Variants in POC5 observed in about 807,000 individuals in gnomAD.
The protein encoded by POC5 is centrosomal protein POC5.
Under a neutral mutation model 62.9 loss-of-function variants are expected in POC5, and 48 were observed. That is an observed-to-expected ratio of 0.76 (90% CI 0.61 to 0.97). POC5 has a LOEUF of 0.97. Ranked by LOEUF, POC5 falls within the 50% of genes least tolerant of loss-of-function variation. The pLI is 0.00. For missense variants in POC5, 696 were observed against 679.5 expected (o/e 1.02, Z -0.27); for synonymous variants, 236 against 228.2 (o/e 1.03, Z -0.31).
At position 75,713,713 on chromosome 5, in the gene POC5, A is replaced by G. The variant is rs1157309621; in HGVS notation, c.-14-762T>C. 2.6e-5 allele frequency among the ~76,000 whole-genome samples: 4 copies of G among 152,364 alleles called. No homozygotes were observed. The East Asian group carries it at 5.8e-4, about 22-fold the overall frequency. On this transcript the variant is annotated intron_variant, in intron 1 of 11. Coordinates refer to ENST00000428202, the MANE Select transcript of POC5 (RefSeq NM_001099271.2). ...TTGCATGACTGTAAATAAGCAGGAA[A>G]GGAGGCACAGAAAGTTTTTAGAGAA...
chr5:75,709,262 T>C (rs1241798778), intron 2 of POC5, among the ~76,000 whole-genome samples: 1 of 152,182 alleles, frequency 6.6e-6, no homozygotes, highest in Non-Finnish European at 1.5e-5. Flanking sequence ...CTTTAGAAAA[T>C]TCAACCAGAA....
rs58777768 is a variant in POC5 at position 75,677,621 on chromosome 5, TAA to T, written c.1584+151_1584+152del. 3,305 of 389,042 alleles carry T rather than the reference TAA, an allele frequency of 8.5e-3. 13 individuals carry two copies. Among genetic ancestry groups the T allele is most frequent in the African/African-American group, 0.024 (1,121 of 46,080 alleles). The allele number at this position is 389,042 out of a possible 1,614,324, so 24.1% of individuals were successfully genotyped here. Reference sequence around the variant, plus strand: ...GTTTGAGAAAAACAAGTATATATATTAAAAAAAAAAAAAAAACTGTAACAGGA... The same window carrying T: ...GTTTGAGAAAAACAAGTATATATATTAAAAAAAAAAAAAACTGTAACAGGA... On this transcript the variant is annotated intron_variant, in intron 11 of 11. Transcript: ENST00000428202.
At chr5:75,711,883 C>G (rs1181597586) in intron 2 of POC5, among the ~76,000 whole-genome samples, 2 of 152,188 alleles carry the variant, frequency 1.3e-5, no homozygotes, top group Non-Finnish European at 2.9e-5. Flanking sequence ...AAGGTGTTTA[C>G]ATTTTAGTAT....
chr5:75,710,866 C>T (rs1023610225), intron 2 of POC5, among the ~76,000 whole-genome samples: 3 of 152,134 alleles, frequency 2.0e-5, no homozygotes, highest in Admixed American at 1.3e-4. Flanking sequence ...CATGTAGGAA[C>T]GGAGGGAGAA....
chr5:75,707,430 T>C (rs1051417441), intron 3 of POC5: 2 of 208,080 alleles, frequency 9.6e-6, no homozygotes, highest in Non-Finnish European at 1.9e-5. Context: ...AATCCTGGCA[T>C]AAAACTGTTG....
At chr5:75,682,084 G>T (rs573704499) in intron 10 of POC5, among the ~76,000 whole-genome samples, 5 of 152,340 alleles carry the variant, frequency 3.3e-5, no homozygotes, top group African/African-American at 9.6e-5. Context: ...TGACTGAAAT[G>T]GAGTGTGTAT....
intron 8 of POC5, chr5:75,689,735 G>A: frequency 2.2e-6 from 2 of 901,696 alleles, no homozygotes; most frequent in Non-Finnish European, 2.7e-6. Flanking sequence ...ATTTAATGCT[G>A]TAATGAGTTA....
intron 5 of POC5, among the ~76,000 whole-genome samples, chr5:75,696,523 C>T (rs1319468933): frequency 6.6e-6 from 1 of 151,780 alleles, no homozygotes; most frequent in Non-Finnish European, 1.5e-5. Flanking sequence ...GGAAAACTAA[C>T]AAACAGAAAG....
In POC5 at chr5:75,694,926, C is replaced by T. The variant is rs1776497106; in HGVS notation, c.514-95G>A. 3 of 872,424 alleles carry T rather than the reference C, an allele frequency of 3.4e-6. No individual in the cohort carries two copies. The South Asian group carries it at 6.3e-5, about 18-fold the overall frequency. The allele number at this position is 872,424 out of a possible 1,614,324, so 54.0% of individuals were successfully genotyped here. ...TAAAGAAACATTAAAAAAATCAGAA[C>T]AAGCATCAACACAAAAGTCATTAAA... On this transcript the variant is annotated intron_variant, in intron 5 of 11. Transcript: ENST00000428202.
chr5:75,713,967 G>A (rs1054253828), intron 1 of POC5, among the ~76,000 whole-genome samples: 7 of 152,310 alleles, frequency 4.6e-5, no homozygotes, highest in African/African-American at 1.7e-4. Flanking sequence ...ATCATGGAAG[G>A]TCAAAACTTG....
chr5:75,700,304 C>T (rs1171635070), intron 5 of POC5, among the ~76,000 whole-genome samples: 1 of 151,632 alleles, frequency 6.6e-6, no homozygotes, highest in African/African-American at 2.4e-5. Flanking sequence ...CATCACACTA[C>T]CTGACTTCAA....
chr5:75,678,782 G>A (rs558913032), intron 10 of POC5, among the ~76,000 whole-genome samples: 4 of 152,190 alleles, frequency 2.6e-5, no homozygotes, highest in Middle Eastern at 3.4e-3. Context: ...ACAATGGAAC[G>A]ATCATATCAA....
chr5:75,674,703 G>A (rs1775587347), intron 11 of POC5, 125 bp from the exon 12 acceptor site: 7 of 1,214,384 alleles, frequency 5.8e-6, no homozygotes, highest in Non-Finnish European at 8.2e-6. Context: ...AAGAAGCAAT[G>A]AGTGGAGTGA....
intron 1 of POC5, among the ~76,000 whole-genome samples, chr5:75,713,742 G>A (rs1010135860): frequency 1.3e-5 from 2 of 152,196 alleles, no homozygotes; most frequent in Non-Finnish European, 2.9e-5. Flanking sequence ...TAGAGAAGAT[G>A]ACCCAGGTGT....
chr5:75,697,142 A>G (rs1437980984), intron 5 of POC5, among the ~76,000 whole-genome samples: 1 of 152,180 alleles, frequency 6.6e-6, no homozygotes, highest in Non-Finnish European at 1.5e-5. Context: ...CAGGATATTA[A>G]TCCAGGAGAA....
chr5:75,685,144 G>C (rs989332458), intron 10 of POC5, 63 bp downstream of exon 10: 34 of 1,510,518 alleles, frequency 2.3e-5, no homozygotes, highest in Non-Finnish European at 3.0e-5. Flanking sequence ...TGGGATTACA[G>C]GTGTGAGCCA....
chr5:75,679,112 T>C lies in POC5; in HGVS notation c.1408-1162A>G, dbSNP rs191507186. 2.6e-5 allele frequency among the ~76,000 whole-genome samples: 4 copies of C among 152,262 alleles called. No individual in the cohort carries two copies. In the East Asian group the frequency reaches 7.7e-4, roughly 29 times the overall value. ...TACTTATCTCAGAGTGTAAACGATT[T>C]CCCCATTTCATGTATTTGTCTTAAT... On this transcript the variant is annotated intron_variant, in intron 10 of 11. Transcript: ENST00000428202.
At chr5:75,702,537 T>G in intron 5 of POC5, 68 bp downstream of exon 5, 1 of 1,433,920 alleles carries the variant, frequency 7.0e-7, no homozygotes, top group Admixed American at 2.4e-5. Context: ...AACAAAACAG[T>G]ATAAATGAGA....
rs964186352 is a variant in POC5 at position 75,712,917 on chromosome 5, T to C, written c.21A>G (p.Lys7=). 6.2e-7 allele frequency: 1 copy of C among 1,612,288 alleles called. No homozygotes were observed. Among genetic ancestry groups the C allele is most frequent in the Non-Finnish European group, 8.5e-7 (1 of 1,179,052 alleles). Residue 7 remains lysine (K), a synonymous_variant, in exon 2 of 12, where the codon AAA becomes AAG. Coordinates refer to ENST00000428202, the MANE Select transcript of POC5 (RefSeq NM_001099271.2). MSSDEE[K]YSLPVVQNDS... is the part of the protein sequence containing the mutation. The stretch of plus-strand genomic sequence containing the variant: ...CATTTTGCACAACTGGAAGTGAGTA[T>C]TTCTCCTCATCTGATGACATTCTGC...
Sources: gnomAD v4.1 joint callset for allele counts (sites outside exome capture counted in the v4.1 genomes callset) on GRCh38, gnomAD v4.1.1 for gene constraint, MANE v1.5 for transcripts, NCBI Gene and HGNC (gene_info 2026-07-23, HGNC 2026-07-21) for gene names.